NIM1K: variants seen among roughly 807,000 people sequenced by gnomAD.
NIM1K encodes the protein NIM1 serine/threonine protein kinase.
Under a neutral mutation model 37.1 loss-of-function variants are expected in NIM1K, and 35 were observed. The observed-to-expected ratio is 0.94, with a 90% CI of 0.72 to 1.25. The LOEUF is 1.25. Among genes scored for constraint, NIM1K ranks in the 50% most tolerant of loss-of-function variants. NIM1K has a pLI of 0.00. For missense variants in NIM1K, 564 were observed against 548.0 expected, an observed-to-expected ratio of 1.03 and a Z score of -0.29; for synonymous variants, 234 against 206.6, an observed-to-expected ratio of 1.13 and a Z score of -1.14.
At chr5:43,215,704 G>A (rs567885512) in intron 1 of NIM1K, among the ~76,000 whole-genome samples, 1 of 152,330 alleles carries the variant, frequency 6.6e-6, no homozygotes, top group African/African-American at 2.4e-5. Context: ...AAAGTGCTGG[G>A]ATTACAGGCA....
chr5:43,219,228 G>A (rs911165626), intron 1 of NIM1K, among the ~76,000 whole-genome samples: 3 of 151,862 alleles, frequency 2.0e-5, no homozygotes, highest in African/African-American at 4.8e-5. Flanking sequence ...TTTTCAGTTC[G>A]AGACCAGCTT....
chr5:43,246,602 A>G (rs1403835238), intron 2 of NIM1K, among the ~76,000 whole-genome samples: 1 of 152,176 alleles, frequency 6.6e-6, no homozygotes, highest in South Asian at 2.1e-4. Flanking sequence ...CCTTCCATCC[A>G]GAGGCTGCGA....
At chr5:43,199,204 A>ATATAT (rs1554012805) in intron 1 of NIM1K, among the ~76,000 whole-genome samples, 5 of 94,066 alleles carry the variant, frequency 5.3e-5, no homozygotes, top group African/African-American at 1.9e-4. Context: ...AAAAAAAAAA[A>ATATAT]ATATATATAT....
intron 1 of NIM1K, chr5:43,193,199 T>C (rs940700911): frequency 1.3e-5 from 2 of 152,176 alleles, no homozygotes; most frequent in Admixed American, 6.6e-5. Context: ...TTGACACATC[T>C]TGGCAGATGG....
intron 1 of NIM1K, among the ~76,000 whole-genome samples, chr5:43,199,034 C>T (rs1204394970): frequency 1.3e-5 from 2 of 150,880 alleles, no homozygotes; most frequent in Non-Finnish European, 3.0e-5. Flanking sequence ...ACTAAAAATA[C>T]AAAATTAGCT....
At chr5:43,209,910 C>T (rs545557215) in intron 1 of NIM1K, among the ~76,000 whole-genome samples, 258 of 152,288 alleles carry the variant, frequency 1.7e-3, no homozygotes, top group South Asian at 7.7e-3. Context: ...TCACCACACC[C>T]GGCCCCGTGC....
Position 43,277,253 on chromosome 5 carries a change from C to T in NIM1K, c.489C>T (p.Ser163=), listed in dbSNP as rs55930700. Reference sequence around the variant, plus strand: ...GTGGGGAGCTCTTCGGAAAAATTAGCACTGAGGGGAAGCTCTCTGAACCAG... The same window carrying T: ...GTGGGGAGCTCTTCGGAAAAATTAGTACTGAGGGGAAGCTCTCTGAACCAG... ...AGGGELFGKI[S]TEGKLSEPES... The change falls in exon 3 of 4, where the codon AGC becomes AGT. Residue 163 remains serine, a synonymous_variant. Transcript: ENST00000326035. The T allele has an allele frequency of 5.5e-3, 8,832 of 1,614,076 alleles. 35 individuals carry two copies. Among genetic ancestry groups the T allele is most frequent in the Non-Finnish European group, 6.7e-3 (7,937 of 1,180,000 alleles).
At chr5:43,253,091 C>T (rs969266051) in intron 2 of NIM1K, among the ~76,000 whole-genome samples, 1 of 148,372 alleles carries the variant, frequency 6.7e-6, no homozygotes, top group African/African-American at 2.5e-5. Flanking sequence ...GATTCACCCA[C>T]CTCAGCCTCC....
At chr5:43,207,234 T>C (rs1752131429) in intron 1 of NIM1K, 2 of 755,838 alleles carry the variant, frequency 2.6e-6, no homozygotes, top group South Asian at 1.4e-5. Context: ...TGGGACATCA[T>C]GGGAAGTGGC....
At chr5:43,250,006 C>T (rs1016277092) in intron 2 of NIM1K, among the ~76,000 whole-genome samples, 11 of 151,892 alleles carry the variant, frequency 7.2e-5, no homozygotes, top group African/African-American at 1.5e-4. Flanking sequence ...ACACCCACCA[C>T]CACGCCTGGC....
chr5:43,197,102 T>G (rs1282896265), intron 1 of NIM1K, among the ~76,000 whole-genome samples: 1 of 151,142 alleles, frequency 6.6e-6, no homozygotes, highest in African/African-American at 2.4e-5. Flanking sequence ...TCTTGATTTA[T>G]CAATTTTGGA....
At chr5:43,267,536 G>A (rs952021703) in intron 2 of NIM1K, among the ~76,000 whole-genome samples, 4 of 152,060 alleles carry the variant, frequency 2.6e-5, no homozygotes, top group Non-Finnish European at 4.4e-5. Flanking sequence ...CTTGAGGTGC[G>A]ATGTTAGGGT....
intron 1 of NIM1K, among the ~76,000 whole-genome samples, chr5:43,214,832 C>CAAAAAAAAAAAAAAAAAAAAAAAA (rs1752277035): frequency 7.9e-6 from 1 of 126,212 alleles, no homozygotes; most frequent in Non-Finnish European, 1.7e-5. Context: ...AAAAAAAAAA[C>CAAAAAAAAAAAAAAAAAAAAAAAA]AAAAAAGAAA....
At chr5:43,204,925 G>A (rs187379914) in intron 1 of NIM1K, among the ~76,000 whole-genome samples, 1 of 152,278 alleles carries the variant, frequency 6.6e-6, no homozygotes, top group African/African-American at 2.4e-5. Flanking sequence ...GAGCCCGGGA[G>A]GTCGAGGCTG....
chr5:43,271,715 G>A (rs1226935481), intron 2 of NIM1K, among the ~76,000 whole-genome samples: 6 of 152,056 alleles, frequency 3.9e-5, no homozygotes, highest in Non-Finnish European at 8.8e-5. Flanking sequence ...TTAACTCTAT[G>A]GAATGTTATC....
At chr5:43,224,733 G>A (rs190581250) in intron 1 of NIM1K, among the ~76,000 whole-genome samples, 3 of 135,862 alleles carry the variant, frequency 2.2e-5, no homozygotes, top group Admixed American at 8.0e-5. Flanking sequence ...TTCTCGCTCT[G>A]TCACCCAGGC....
intron 1 of NIM1K, among the ~76,000 whole-genome samples, chr5:43,218,724 C>CTTTTTT (rs70994612): frequency 1.4e-5 from 2 of 141,124 alleles, no homozygotes; most frequent in Admixed American, 7.1e-5. Context: ...TTCTTCTTTT[C>CTTTTTT]TTTTTTTTTT....
Position 43,277,151 on chromosome 5 carries a change from C to G in NIM1K, c.387C>G (p.His129Gln). The change falls in exon 3 of 4, where the codon CAC (histidine) becomes CAG (glutamine). Residue 129 changes from histidine to glutamine, a missense_variant. By Grantham distance (24) the His-to-Gln change is conservative. Transcript: ENST00000326035. Reference sequence around the variant, plus strand: ...AAATCTCCAGCATGGAAAAGCTGCACCATCCCAACATCATCCGCCTTTACG... The same window carrying G: ...AAATCTCCAGCATGGAAAAGCTGCAGCATCCCAACATCATCCGCCTTTACG... Reference protein sequence around the residue: ...SREISSMEKLHHPNIIRLYEV... With the variant: ...SREISSMEKLQHPNIIRLYEV... 1 of 1,614,140 alleles carries G rather than the reference C, an allele frequency of 6.2e-7. No homozygotes were observed. The highest frequency in any genetic ancestry group is 8.5e-7 in the Non-Finnish European group (1 of 1,180,018).
rs577388086 is a variant in NIM1K at position 43,224,459 on chromosome 5, G to C, written c.-694-20623G>C. ...ACTCGTCTCAGAAAAAAAAAAAAAA[G>C]ATTTGTTTTACTGTGGAACTATAAG... On this transcript the variant is annotated intron_variant, in intron 1 of 3. Transcript: ENST00000326035. 2.7e-5 allele frequency among the ~76,000 whole-genome samples: 4 copies of C among 149,990 alleles called. No homozygotes were observed. In the East Asian group the frequency reaches 7.9e-4, roughly 30 times the overall value.
Sources: allele counts gnomAD v4.1 joint callset (sites outside exome capture counted in the v4.1 genomes callset), GRCh38; gene constraint gnomAD v4.1.1; transcripts MANE v1.5; gene names NCBI Gene and HGNC (gene_info 2026-07-23, HGNC 2026-07-21).